The following ASPRV1 variants were observed in gnomAD, a reference collection of about 807,000 sequenced individuals.
ASPRV1 encodes the protein aspartic peptidase retroviral like 1.
Under a neutral mutation model 11.0 loss-of-function variants are expected in ASPRV1, and 7 were observed. The observed-to-expected ratio is 0.64, with a 90% confidence interval of 0.36 to 1.20. The LOEUF (loss-of-function observed/expected upper bound fraction) is 1.20, where lower values mean the gene tolerates loss of function less well. Among genes scored for constraint, ASPRV1 ranks in the 50% most tolerant of loss-of-function variants. The pLI, the probability that ASPRV1 is intolerant of heterozygous loss-of-function variation, is 0.02. For synonymous variants in ASPRV1, 136 were observed against 138.4 expected, an observed-to-expected ratio of 0.98 and a Z score of 0.12; for missense variants, 299 against 320.0, an observed-to-expected ratio of 0.93 and a Z score of 0.50.
At chr2:70,040,439 G>A in the ASPRV1 span, among the ~76,000 whole-genome samples, 4 of 152,118 alleles carry the variant, frequency 2.6e-5, no homozygotes, top group African/African-American at 7.2e-5. Flanking sequence ...CACCCAGGCC[G>A]GAGTGCAATG....
At chr2:69,987,747 C>CAATA in the ASPRV1 span, among the ~76,000 whole-genome samples, 18 of 152,102 alleles carry the variant, frequency 1.2e-4, no homozygotes, top group Non-Finnish European at 2.5e-4. Flanking sequence ...AACCCTGTTT[C>CAATA]AATAAATAAA....
At chr2:70,039,704 G>A in the ASPRV1 span, among the ~76,000 whole-genome samples, 1 of 152,140 alleles carries the variant, frequency 6.6e-6, no homozygotes, top group African/African-American at 2.4e-5. Flanking sequence ...CCTAAGGGTG[G>A]CCTTAGTCAA....
At chr2:70,067,116 T>C in the ASPRV1 span, among the ~76,000 whole-genome samples, 1 of 152,154 alleles carries the variant, frequency 6.6e-6, no homozygotes, top group Non-Finnish European at 1.5e-5. Context: ...CTTTTATAAA[T>C]TTAAAAACTA....
the ASPRV1 span, chr2:69,976,534 C>T: frequency 6.6e-6 from 1 of 152,182 alleles, no homozygotes; most frequent in Non-Finnish European, 1.5e-5. Flanking sequence ...CCTTTCTGAA[C>T]CTGACACCAG....
chr2:70,066,104 G>A, the ASPRV1 span, among the ~76,000 whole-genome samples: 34 of 152,048 alleles, frequency 2.2e-4, no homozygotes, highest in Middle Eastern at 3.4e-3. Flanking sequence ...AGCACTTTGG[G>A]AGGCTGAGGC....
At chr2:70,065,314 C>T in the ASPRV1 span, among the ~76,000 whole-genome samples, 2 of 148,884 alleles carry the variant, frequency 1.3e-5, no homozygotes, top group Non-Finnish European at 3.0e-5. Context: ...TGGCATGAAC[C>T]CAGGAGGCGG....
the ASPRV1 span, among the ~76,000 whole-genome samples, chr2:69,946,325 C>T: frequency 1.3e-5 from 2 of 152,164 alleles, no homozygotes; most frequent in African/African-American, 2.4e-5. Flanking sequence ...GGGTGATGGT[C>T]ACGTGCACAG....
the ASPRV1 span, among the ~76,000 whole-genome samples, chr2:70,024,636 C>A: frequency 6.6e-5 from 10 of 152,164 alleles, no homozygotes; most frequent in African/African-American, 2.4e-4. Flanking sequence ...ACTTCTTCTC[C>A]CTCTTTCTCA....
chr2:70,041,534 G>C, the ASPRV1 span, among the ~76,000 whole-genome samples: 1 of 152,148 alleles, frequency 6.6e-6, no homozygotes, highest in Non-Finnish European at 1.5e-5. Context: ...AGGGAAAGGA[G>C]AAAATTTATG....
At chr2:70,021,868 A>G in the ASPRV1 span, among the ~76,000 whole-genome samples, 5,276 of 148,216 alleles carry the variant, frequency 0.036, 133 homozygotes, top group Non-Finnish European at 0.059. Context: ...ATACCCAGCT[A>G]ATTTTTTTTG....
At chr2:69,963,090 C>G (rs1430471104), upstream of ASPRV1, 3 of 361,720 alleles carry the variant, frequency 8.3e-6, no homozygotes, top group Non-Finnish European at 1.6e-5. Flanking sequence ...TGCCTTTGGA[C>G]AGTCCTGCCT....
the ASPRV1 span, among the ~76,000 whole-genome samples, chr2:70,059,256 CTTT>C: frequency 3.6e-5 from 4 of 112,202 alleles, no homozygotes; most frequent in Non-Finnish European, 5.9e-5. Context: ...GATTGGTTTT[CTTT>C]TTTTTTTTTT....
At chr2:70,065,196 CAGG>C in the ASPRV1 span, among the ~76,000 whole-genome samples, 1 of 151,676 alleles carries the variant, frequency 6.6e-6, no homozygotes, top group Non-Finnish European at 1.5e-5. Flanking sequence ...ATCATGAGGT[CAGG>C]AGATCGAGAT....
chr2:69,961,711 G>C (rs776192417), upstream of ASPRV1: 6 of 1,522,114 alleles, frequency 3.9e-6, no homozygotes, highest in Non-Finnish European at 5.3e-6. Context: ...TGGAAGCTCC[G>C]CCCCTCCTCA....
At chr2:70,037,379 A>G in the ASPRV1 span, among the ~76,000 whole-genome samples, 1 of 152,172 alleles carries the variant, frequency 6.6e-6, no homozygotes, top group Non-Finnish European at 1.5e-5. Flanking sequence ...GCTGGGGCAC[A>G]GTGGCGTGAT....
At chr2:70,047,207 T>C in the ASPRV1 span, among the ~76,000 whole-genome samples, 1 of 151,782 alleles carries the variant, frequency 6.6e-6, no homozygotes, top group Non-Finnish European at 1.5e-5. Context: ...TTAGTGAGAG[T>C]GGGTAAGAAC....
the ASPRV1 span, among the ~76,000 whole-genome samples, chr2:70,004,054 G>A: frequency 1.3e-5 from 2 of 152,176 alleles, no homozygotes; most frequent in African/African-American, 4.8e-5. Flanking sequence ...AATACAGGGT[G>A]TTTGAGAGGA....
chr2:70,001,894 T>C, the ASPRV1 span, among the ~76,000 whole-genome samples: 1 of 152,146 alleles, frequency 6.6e-6, no homozygotes, highest in Non-Finnish European at 1.5e-5. Flanking sequence ...TAGTGAAATA[T>C]AAGCGATCAA....
At chr2:69,972,358 G>A in the ASPRV1 span, among the ~76,000 whole-genome samples, 11 of 138,140 alleles carry the variant, frequency 8.0e-5, no homozygotes, top group African/African-American at 3.0e-4. Context: ...ACCGTGCCCG[G>A]CCCTTTTTTT....
Sources: gnomAD v4.1 joint callset for allele counts (sites outside exome capture counted in the v4.1 genomes callset) on GRCh38, gnomAD v4.1.1 for gene constraint, MANE v1.5 for transcripts, NCBI Gene and HGNC (gene_info 2026-07-23, HGNC 2026-07-21) for gene names.